SPATA3: variants seen among roughly 807,000 people sequenced by gnomAD.
The protein encoded by SPATA3 is spermatogenesis-associated protein 3.
In SPATA3, 6 loss-of-function variants were observed where a neutral mutation model predicts 5.7. That is an observed-to-expected ratio of 1.06 (90% CI 0.58 to 2.09). The LOEUF is 2.09. SPATA3 is among the 30% of genes most tolerant of loss of function. The pLI is 0.00. For missense variants in SPATA3, 155 were observed against 130.4 expected, an observed-to-expected ratio of 1.19 and a Z score of -0.92; for synonymous variants, 44 against 48.4, an observed-to-expected ratio of 0.91 and a Z score of 0.37.
chr2:231,010,287 C>T (rs879886216), downstream of SPATA3, among the ~76,000 whole-genome samples: 2 of 152,352 alleles, frequency 1.3e-5, no homozygotes, highest in East Asian at 3.9e-4. Context: ...CAAAGATGGA[C>T]AGCCTTGTAG....
intron 6 of SPATA3, chr2:231,014,286 C>T (rs1692870636): frequency 6.6e-6 from 1 of 152,202 alleles, no homozygotes; most frequent in Non-Finnish European, 1.5e-5. Context: ...TAGCCTGTCA[C>T]AAGCTGATCA....
chr2:231,010,215 T>C (rs149784589), downstream of SPATA3, among the ~76,000 whole-genome samples: 1,095 of 152,368 alleles, frequency 7.2e-3, 16 homozygotes, highest in African/African-American at 0.025. Flanking sequence ...TGTGTACACA[T>C]GGGAGCCTTC....
chr2:231,012,233 A>T (rs553979004), downstream of SPATA3, among the ~76,000 whole-genome samples: 20 of 152,322 alleles, frequency 1.3e-4, 2 homozygotes, highest in South Asian at 4.1e-3. Context: ...TTGAGAATTT[A>T]AAAAGAAGAG....
intron 6 of SPATA3, among the ~76,000 whole-genome samples, chr2:231,016,486 A>G (rs2125126183): frequency 7.4e-6 from 1 of 135,392 alleles, no homozygotes; most frequent in Non-Finnish European, 1.5e-5. Context: ...CCTGGTCAAC[A>G]TGGTGAAACC....
chr2:231,000,498 C>T lies in SPATA3; in HGVS notation c.923C>T (p.Ala308Val), dbSNP rs764212802. 40 of 1,547,546 alleles carry T rather than the reference C, an allele frequency of 2.6e-5. No homozygotes were observed. The East Asian group carries it at 3.4e-4, about 13-fold the overall frequency. The change falls in exon 2 of 3, where the codon GCG becomes GTG. Residue 308 changes from alanine to valine, a missense_variant. Physicochemically the swap from Ala to Val is moderately conservative, Grantham distance 64. Coordinates refer to ENST00000645363, the Ensembl canonical transcript of SPATA3. Reference sequence around the variant, plus strand: ...CTTCTGCCTCGGGACTGGCAGATGGCGCCAGGGAGAGGACTCCCCAACCTG... The same window carrying T: ...CTTCTGCCTCGGGACTGGCAGATGGTGCCAGGGAGAGGACTCCCCAACCTG...
Position 231,019,139 on chromosome 2 carries a change from T to C in SPATA3, c.*566-581T>C, listed in dbSNP as rs192989728. ...CCGCCACAACGCTTGGCTAATTTTTTTTTGTATTTTTAGTAGAGACGGGGT... is the reference window on the plus strand; with the variant it reads ...CCGCCACAACGCTTGGCTAATTTTTCTTTGTATTTTTAGTAGAGACGGGGT... On this transcript the variant is annotated intron_variant, in intron 6 of 8. Transcript: ENST00000452881. Among the ~76,000 whole-genome samples, 20 of 150,782 alleles carry C rather than the reference T, an allele frequency of 1.3e-4. 1 individual carries two copies. In the East Asian group the frequency reaches 3.9e-3, roughly 30 times the overall value.
At chr2:231,007,003 G>A (rs748787293), downstream of SPATA3, among the ~76,000 whole-genome samples, 11 of 152,178 alleles carry the variant, frequency 7.2e-5, no homozygotes, top group African/African-American at 2.2e-4. Flanking sequence ...CTGGCCAGGC[G>A]CCTGGCAAAA....
Position 230,996,396 on chromosome 2 carries a change from C to T in SPATA3, c.791-3970C>T, listed in dbSNP as rs763916227. ...ACAGCAGCCTAGCCCTGAATCCACA[C>T]CACAGCATTCCAGCCTTGAAACCAC... On this transcript the variant is annotated intron_variant, in intron 1 of 2. Transcript: ENST00000645363. The T allele has an allele frequency of 4.5e-6, 7 of 1,550,988 alleles. No homozygotes were observed. The East Asian group carries it at 1.5e-4, about 33-fold the overall frequency.
chr2:231,002,054 G>T (rs1453697918), intron 2 of SPATA3, among the ~76,000 whole-genome samples: 1 of 152,178 alleles, frequency 6.6e-6, no homozygotes, highest in Non-Finnish European at 1.5e-5. Context: ...GAGAGACAGG[G>T]TCCATATCTG....
chr2:230,997,317 T>C (rs911583549), intron 1 of SPATA3, among the ~76,000 whole-genome samples: 4 of 152,332 alleles, frequency 2.6e-5, no homozygotes, highest in Admixed American at 1.3e-4. Flanking sequence ...CCATGTGAGA[T>C]GTGCCTTTCA....
At chr2:231,010,574 T>G (rs2125119117), downstream of SPATA3, among the ~76,000 whole-genome samples, 1 of 152,312 alleles carries the variant, frequency 6.6e-6, no homozygotes, top group Admixed American at 6.5e-5. Flanking sequence ...GGGTTCTTGT[T>G]TCTATGGCAT....
chr2:231,019,023 GT>G (rs1481214637), intron 6 of SPATA3, among the ~76,000 whole-genome samples: 1 of 140,114 alleles, frequency 7.1e-6, no homozygotes, highest in East Asian at 2.0e-4. Flanking sequence ...CTGGAGCGCA[GT>G]GGCACGATCT....
chr2:231,011,289 A>G (rs867116799), downstream of SPATA3, among the ~76,000 whole-genome samples: 9 of 152,066 alleles, frequency 5.9e-5, 1 homozygote, highest in African/African-American at 2.2e-4. Context: ...TAATTTTTGT[A>G]TTTTTAGTAG....
At chr2:231,007,283 G>A (rs772200697), downstream of SPATA3, 16 of 151,934 alleles carry the variant, frequency 1.1e-4, no homozygotes, top group Non-Finnish European at 1.5e-4. Flanking sequence ...AAAAAAAAAC[G>A]AGTTCTGTTT....
chr2:231,015,812 G>C (rs6750732), intron 6 of SPATA3, among the ~76,000 whole-genome samples: 10,474 of 152,254 alleles, frequency 0.069, 859 homozygotes, highest in African/African-American at 0.19. Context: ...GGCCCTCTAC[G>C]GAAAGCTTTC....
At chr2:230,998,359 G>C (rs1461269703) in intron 1 of SPATA3, among the ~76,000 whole-genome samples, 2 of 152,220 alleles carry the variant, frequency 1.3e-5, no homozygotes, top group Non-Finnish European at 1.5e-5. Context: ...CAGCCAGTGA[G>C]AGAAACATTT....
At chr2:231,001,876 T>A (rs1020992674) in intron 2 of SPATA3, among the ~76,000 whole-genome samples, 3 of 152,076 alleles carry the variant, frequency 2.0e-5, no homozygotes, top group Non-Finnish European at 4.4e-5. Context: ...TCTGAAAGGT[T>A]CCAACAGGAA....
At chr2:231,016,345 T>C (rs1329508213) in intron 6 of SPATA3, among the ~76,000 whole-genome samples, 1 of 152,056 alleles carries the variant, frequency 6.6e-6, no homozygotes, top group African/African-American at 2.4e-5. Context: ...CATTTCTGTC[T>C]ATGCCCCACC....
At chr2:231,005,592 CCATCACCAT>C (rs1559198049), downstream of SPATA3, among the ~76,000 whole-genome samples, 3 of 82,810 alleles carry the variant, frequency 3.6e-5, no homozygotes, top group Non-Finnish European at 5.4e-5. Context: ...ATCATCCTCA[CCATCACCAT>C]CATCACCATC....
Sources: gnomAD v4.1 joint callset for allele counts (sites outside exome capture counted in the v4.1 genomes callset) on GRCh38, gnomAD v4.1.1 for gene constraint, MANE v1.5 for transcripts, NCBI Gene and HGNC (gene_info 2026-07-23, HGNC 2026-07-21) for gene names.